The following SCARA3 variants were observed in gnomAD, a reference collection of about 807,000 sequenced individuals.
SCARA3 encodes the protein cellular stress response gene protein.
A neutral mutation model predicts 47.0 loss-of-function variants in SCARA3; 39 were observed. That is an observed-to-expected ratio of 0.83 (90% confidence interval 0.64 to 1.08). SCARA3 has a LOEUF of 1.08. Among genes scored for constraint, SCARA3 ranks in the 50% least tolerant of loss-of-function variants. The pLI is 0.00. For synonymous variants in SCARA3, 356 were observed against 334.1 expected (o/e 1.07, Z -0.71); for missense variants, 724 against 792.3 (o/e 0.91, Z 1.04).
At chr8:27,690,198 A>G in the SCARA3 span, among the ~76,000 whole-genome samples, 1 of 152,216 alleles carries the variant, frequency 6.6e-6, no homozygotes, top group Admixed American at 6.5e-5. Flanking sequence ...TGAGACAAAC[A>G]GCGTATATCT....
chr8:27,655,419 C>A (rs1801722253), intron 3 of SCARA3, among the ~76,000 whole-genome samples: 1 of 152,172 alleles, frequency 6.6e-6, no homozygotes, highest in Admixed American at 6.5e-5. Context: ...CCCATTCAGG[C>A]ACCCGCTGGA....
intron 5 of SCARA3, among the ~76,000 whole-genome samples, chr8:27,663,206 CT>C (rs1801948977): frequency 6.6e-6 from 1 of 152,244 alleles, no homozygotes; most frequent in African/African-American, 2.4e-5. Context: ...GAGCCTTTAT[CT>C]TTCCCACTGT....
rs36085927 is a variant in SCARA3 at position 27,651,943 on chromosome 8, G to A, written c.226+316G>A. Among the ~76,000 whole-genome samples, 957 of 152,224 alleles carry A rather than the reference G, an allele frequency of 6.3e-3. 13 individuals carry two copies. Among genetic ancestry groups the A allele is most frequent in the African/African-American group, 0.022 (900 of 41,518 alleles). Reference sequence around the variant, plus strand: ...CCATCTTGGAGCTTTAAAGAATGTCGATGTCTAGGCCCCACCCCGATCGTG... The same window carrying A: ...CCATCTTGGAGCTTTAAAGAATGTCAATGTCTAGGCCCCACCCCGATCGTG... On this transcript the variant is annotated intron_variant, in intron 3 of 5. Transcript: ENST00000301904.
rs765224886 is a variant in SCARA3, at chr8:27,659,477, A to G, written c.1307A>G (p.Glu436Gly). The change falls in exon 5 of 6, where the codon GAG becomes GGG. Residue 436 changes from glutamate (E) to glycine (G), a missense_variant. Transcript: ENST00000301904. ...GTCCGGAACCTCTCCATGATCGTGGAGGAGATGAAGGCAGTGGACACACAG... is the reference window on the plus strand; with the variant it reads ...GTCCGGAACCTCTCCATGATCGTGGGGGAGATGAAGGCAGTGGACACACAG... ...LNVRNLSMIV[E>G]EMKAVDTQHG... 2 of 1,613,978 alleles carry G rather than the reference A, an allele frequency of 1.2e-6. No homozygotes were observed. The highest frequency in any genetic ancestry group is 1.7e-6 in the Non-Finnish European group (2 of 1,179,968).
upstream of SCARA3, among the ~76,000 whole-genome samples, chr8:27,633,602 G>GC (rs34882804): frequency 1.4e-3 from 219 of 152,174 alleles, 1 homozygote; most frequent in African/African-American, 4.6e-3. Context: ...CTCCCGGTGA[G>GC]CCCCCCCATT....
intron 5 of SCARA3, among the ~76,000 whole-genome samples, chr8:27,669,361 G>C (rs1055289052): frequency 1.3e-5 from 2 of 152,248 alleles, no homozygotes; most frequent in Non-Finnish European, 2.9e-5. Context: ...AGCTGGCCCA[G>C]GCGCCAGGAG....
intron 3 of SCARA3, among the ~76,000 whole-genome samples, chr8:27,656,243 A>T (rs1300956763): frequency 6.6e-6 from 1 of 152,216 alleles, no homozygotes; most frequent in Non-Finnish European, 1.5e-5. Context: ...AGCTGTTGTT[A>T]GTCTCTTACT....
the SCARA3 span, among the ~76,000 whole-genome samples, chr8:27,730,017 G>T: frequency 6.6e-6 from 1 of 152,086 alleles, no homozygotes; most frequent in Admixed American, 6.5e-5. Flanking sequence ...CAGGCTGGGC[G>T]TGGGGAGAGG....
At chr8:27,677,251 G>A (rs1463095685), downstream of SCARA3, among the ~76,000 whole-genome samples, 3 of 152,208 alleles carry the variant, frequency 2.0e-5, no homozygotes, top group Non-Finnish European at 2.9e-5. Context: ...ACACAGAGAA[G>A]TGGAGCCCAA....
intron 3 of SCARA3, 28 bp from the exon 4 acceptor site, chr8:27,656,754 C>G (rs1479279119): frequency 2.1e-6 from 3 of 1,403,414 alleles, no homozygotes; most frequent in Non-Finnish European, 1.0e-6. Context: ...TAGACCCTGC[C>G]CCAGCTTCTC....
the SCARA3 span, among the ~76,000 whole-genome samples, chr8:27,693,362 G>C: frequency 6.6e-6 from 1 of 152,108 alleles, no homozygotes; most frequent in Admixed American, 6.5e-5. Flanking sequence ...ACTCATATTT[G>C]GCTCAGAATA....
the SCARA3 span, chr8:27,701,877 A>G: frequency 3.9e-3 from 605 of 154,408 alleles, 3 homozygotes; most frequent in African/African-American, 0.014. Flanking sequence ...TTCCTGAGCT[A>G]AGGGATGTTC....
the SCARA3 span, among the ~76,000 whole-genome samples, chr8:27,682,486 G>A: frequency 3.3e-5 from 5 of 151,894 alleles, no homozygotes; most frequent in South Asian, 2.1e-4. Flanking sequence ...TTACACATTC[G>A]GAGAAAATAT....
chr8:27,723,228 G>A, the SCARA3 span, among the ~76,000 whole-genome samples: 1 of 152,098 alleles, frequency 6.6e-6, no homozygotes, highest in Admixed American at 6.5e-5. Flanking sequence ...CAAATGACCT[G>A]AACTCCTTGA....
At chr8:27,705,815 A>G in the SCARA3 span, among the ~76,000 whole-genome samples, 10 of 152,272 alleles carry the variant, frequency 6.6e-5, no homozygotes, top group Non-Finnish European at 1.5e-4. Flanking sequence ...GGATAGGAGT[A>G]TAAACTAGTC....
intron 1 of SCARA3, among the ~76,000 whole-genome samples, chr8:27,641,720 G>C (rs1185185890): frequency 6.6e-6 from 1 of 152,212 alleles, no homozygotes; most frequent in African/African-American, 2.4e-5. Context: ...CAAGGGGCTT[G>C]AGATCAAGCA....
chr8:27,710,149 G>A, the SCARA3 span, among the ~76,000 whole-genome samples: 5 of 149,536 alleles, frequency 3.3e-5, no homozygotes, highest in African/African-American at 1.2e-4. Flanking sequence ...AGAACTGCTT[G>A]AACCTGGGAG....
chr8:27,695,061 G>A, the SCARA3 span, among the ~76,000 whole-genome samples: 1 of 152,166 alleles, frequency 6.6e-6, no homozygotes, highest in Non-Finnish European at 1.5e-5. Flanking sequence ...CCAAATATAA[G>A]AGATAAAGAA....
chr8:27,695,057 A>C, the SCARA3 span, among the ~76,000 whole-genome samples: 1 of 152,190 alleles, frequency 6.6e-6, no homozygotes, highest in Non-Finnish European at 1.5e-5. Flanking sequence ...TGAACCAAAT[A>C]TAAGAGATAA....
Sources: gnomAD v4.1 joint callset for allele counts (sites outside exome capture counted in the v4.1 genomes callset) on GRCh38, gnomAD v4.1.1 for gene constraint, MANE v1.5 for transcripts, NCBI Gene and HGNC (gene_info 2026-07-23, HGNC 2026-07-21) for gene names.